MARCHF1: variants seen among roughly 807,000 people sequenced by gnomAD.
MARCHF1 encodes the protein E3 ubiquitin-protein ligase MARCHF1.
Under a neutral mutation model 54.2 loss-of-function variants are expected in MARCHF1, and 40 were observed. The ratio of observed to expected loss-of-function variants is 0.74; its 90% confidence interval spans 0.57 to 0.96. MARCHF1 has a LOEUF of 0.96. Among genes scored for constraint, MARCHF1 ranks in the 40% least tolerant of loss-of-function variants. The probability of loss-of-function intolerance (pLI) is 0.00; values close to 1 mark genes in which losing one functional copy is unlikely to be tolerated. For missense variants in MARCHF1, 586 were observed against 656.5 expected, an observed-to-expected ratio of 0.89 and a Z score of 1.17; for synonymous variants, 236 against 236.3, an observed-to-expected ratio of 1.00 and a Z score of 0.01.
intron 2 of MARCHF1, among the ~76,000 whole-genome samples, chr4:164,012,333 C>A (rs754454977): frequency 6.6e-5 from 10 of 152,026 alleles, no homozygotes; most frequent in Non-Finnish European, 4.4e-5. Flanking sequence ...CTGTATCTTG[C>A]AACTTGGGTG....
chr4:164,176,968 CTCTCTCTCT>C lies in MARCHF1; in HGVS notation c.-322-65315_-322-65307del, dbSNP rs1234317195. Among the ~76,000 whole-genome samples, 44 of 43,338 alleles carry C rather than the reference CTCTCTCTCT, an allele frequency of 1.0e-3. 5 individuals are homozygous for C. The highest frequency in any genetic ancestry group is 1.1e-3 in the Admixed American group (4 of 3,520). The allele number at this position is 43,338 out of a possible 152,430, so 28.4% of individuals were successfully genotyped here. ...TCTCTCTCTCTCTCTCTCTCTCTCT[CTCTCTCTCT>C]CTCTATATATATATATATATATATA... On this transcript the variant is annotated intron_variant, in intron 1 of 9. Coordinates refer to ENST00000514618, the MANE Select transcript of MARCHF1 (RefSeq NM_001394959.1).
At chr4:163,832,814 C>T (rs1749068301) in intron 4 of MARCHF1, among the ~76,000 whole-genome samples, 1 of 111,898 alleles carries the variant, frequency 8.9e-6, no homozygotes, top group African/African-American at 3.0e-5. Context: ...TGTTCAATTC[C>T]CACCTACGAG....
intron 8 of MARCHF1, among the ~76,000 whole-genome samples, chr4:163,565,257 C>G (rs1232858027): frequency 6.6e-6 from 1 of 152,202 alleles, no homozygotes; most frequent in East Asian, 1.9e-4. Context: ...ATACACATCC[C>G]TCATGCCAAA....
intron 1 of MARCHF1, among the ~76,000 whole-genome samples, chr4:164,282,593 T>C (rs1479574596): frequency 6.6e-6 from 1 of 151,184 alleles, no homozygotes; most frequent in East Asian, 2.0e-4. Context: ...CTCAACTCCC[T>C]TGCCCCTATT....
chr4:163,597,844 C>T (rs1740826190), intron 7 of MARCHF1, among the ~76,000 whole-genome samples: 1 of 152,028 alleles, frequency 6.6e-6, no homozygotes, highest in African/African-American at 2.4e-5. Context: ...CATTTTGTTT[C>T]CATAGTAAGC....
intron 1 of MARCHF1, among the ~76,000 whole-genome samples, chr4:164,181,106 G>C (rs1407341183): frequency 6.6e-6 from 1 of 152,048 alleles, no homozygotes; most frequent in African/African-American, 2.4e-5. Context: ...CCCACAGTGT[G>C]GGGTCCCCAT....
intron 2 of MARCHF1, among the ~76,000 whole-genome samples, chr4:164,036,897 G>T (rs1560873451): frequency 6.6e-6 from 1 of 152,164 alleles, no homozygotes; most frequent in Non-Finnish European, 1.5e-5. Flanking sequence ...CATACCAAAT[G>T]ACTCAGTATT....
intron 5 of MARCHF1, among the ~76,000 whole-genome samples, chr4:163,656,686 C>G (rs1397774964): frequency 6.6e-6 from 1 of 152,058 alleles, no homozygotes; most frequent in African/African-American, 2.4e-5. Flanking sequence ...AATCCAGCAG[C>G]ACATAAAAAG....
intron 1 of MARCHF1, among the ~76,000 whole-genome samples, chr4:164,145,904 A>T (rs1729707011): frequency 9.5e-6 from 1 of 105,574 alleles, no homozygotes; most frequent in African/African-American, 3.9e-5. Context: ...AGACGACATG[A>T]TTGTATATCT....
chr4:163,564,923 TAG>T (rs1009268153), intron 8 of MARCHF1, among the ~76,000 whole-genome samples: 3 of 152,110 alleles, frequency 2.0e-5, no homozygotes, highest in Admixed American at 2.0e-4. Flanking sequence ...GATACTGTCA[TAG>T]AGTCTCACAG....
chr4:164,183,588 T>C (rs571004792), intron 1 of MARCHF1, among the ~76,000 whole-genome samples: 6 of 152,202 alleles, frequency 3.9e-5, no homozygotes, highest in Non-Finnish European at 7.4e-5. Flanking sequence ...TACGTTTTCT[T>C]CCAGAAGTTT....
chr4:164,253,306 TC>T (rs1270923929), intron 1 of MARCHF1, among the ~76,000 whole-genome samples: 1 of 152,176 alleles, frequency 6.6e-6, no homozygotes, highest in Non-Finnish European at 1.5e-5. Flanking sequence ...AAAGGCATTT[TC>T]AGACATTTGA....
chr4:163,972,025 A>G (rs1752556116), intron 3 of MARCHF1, among the ~76,000 whole-genome samples: 1 of 152,268 alleles, frequency 6.6e-6, no homozygotes, highest in African/African-American at 2.4e-5. Context: ...GCAATAAAAA[A>G]GGATGAGTTC....
chr4:164,040,237 ATACT>A (rs1200097022), intron 2 of MARCHF1, among the ~76,000 whole-genome samples: 1 of 144,500 alleles, frequency 6.9e-6, no homozygotes, highest in Non-Finnish European at 1.5e-5. Context: ...ACACATGTAT[ATACT>A]TATATATACG....
intron 2 of MARCHF1, among the ~76,000 whole-genome samples, chr4:164,065,785 G>A (rs1253044577): frequency 6.6e-6 from 1 of 152,166 alleles, no homozygotes; most frequent in Admixed American, 6.5e-5. Flanking sequence ...AACCACTGGT[G>A]TAATAGTCCA....
At chr4:163,613,091 T>C (rs1488074230) in intron 6 of MARCHF1, 53 bp from the exon 7 acceptor site, 12 of 1,412,362 alleles carry the variant, frequency 8.5e-6, no homozygotes, top group South Asian at 3.1e-5. Context: ...AGGAAAGCCA[T>C]GGAAAAACAG....
chr4:163,721,494 T>C (rs970988273), intron 4 of MARCHF1, among the ~76,000 whole-genome samples: 10 of 152,264 alleles, frequency 6.6e-5, no homozygotes, highest in Middle Eastern at 3.4e-3. Flanking sequence ...AATTCTCTTT[T>C]TTTGTTGTGT....
Position 163,654,138 on chromosome 4 carries a change from T to C in MARCHF1, c.163-40745A>G, listed in dbSNP as rs143025527. 6.1e-3 allele frequency among the ~76,000 whole-genome samples: 929 copies of C among 151,780 alleles called. 3 individuals carry two copies. The highest frequency in any genetic ancestry group is 9.2e-3 in the Non-Finnish European group (623 of 67,780). ...GAGAAGGATAGAGAGAACCATTGTGTTAAATATATGGTGACATAAACACTA... is the reference window on the plus strand; with the variant it reads ...GAGAAGGATAGAGAGAACCATTGTGCTAAATATATGGTGACATAAACACTA... On this transcript the variant is annotated intron_variant, in intron 5 of 9. Coordinates refer to ENST00000514618, the MANE Select transcript of MARCHF1 (RefSeq NM_001394959.1).
chr4:163,813,925 G>A (rs13150846), intron 4 of MARCHF1, among the ~76,000 whole-genome samples: 2 of 152,078 alleles, frequency 1.3e-5, no homozygotes, highest in African/African-American at 4.8e-5. Flanking sequence ...CCAAAGGGTG[G>A]AAGGCTGTCC....
Sources: allele counts gnomAD v4.1 joint callset (sites outside exome capture counted in the v4.1 genomes callset), GRCh38; gene constraint gnomAD v4.1.1; transcripts MANE v1.5; gene names NCBI Gene and HGNC (gene_info 2026-07-23, HGNC 2026-07-21).